Variants in RNF150 observed in about 807,000 individuals in gnomAD.
The protein encoded by RNF150 is ring finger protein 150.
RNF150 carries 24 observed loss-of-function variants against 39.3 expected under a neutral mutation model. That is an observed-to-expected ratio of 0.61 (90% confidence interval 0.44 to 0.86). The LOEUF is 0.86. Among genes scored for constraint, RNF150 ranks in the 40% least tolerant of loss-of-function variants. The pLI is 0.00. For missense variants in RNF150, 502 were observed against 587.8 expected (o/e 0.85, Z 1.51); for synonymous variants, 255 against 227.3 (o/e 1.12, Z -1.10).
At chr4:141,093,097 C>T (rs1578721058) in intron 1 of RNF150, among the ~76,000 whole-genome samples, 5 of 151,960 alleles carry the variant, frequency 3.3e-5, no homozygotes, top group South Asian at 4.2e-4. Flanking sequence ...CTGGGCGCGG[C>T]GGCTCATGCC....
chr4:141,158,986 G>A (rs558680654), intron 1 of RNF150, among the ~76,000 whole-genome samples: 1 of 152,254 alleles, frequency 6.6e-6, no homozygotes, highest in African/African-American at 2.4e-5. Context: ...AATATGTATG[G>A]TGTGAATCGT....
intron 1 of RNF150, among the ~76,000 whole-genome samples, chr4:141,090,932 G>A (rs1328222016): frequency 1.3e-5 from 2 of 152,182 alleles, no homozygotes; most frequent in Admixed American, 1.3e-4. Flanking sequence ...GAAGCCATAG[G>A]AGGTCTGTTG....
intron 1 of RNF150, among the ~76,000 whole-genome samples, chr4:141,040,497 A>G (rs1178279119): frequency 2.6e-5 from 4 of 152,272 alleles, no homozygotes; most frequent in African/African-American, 9.6e-5. Context: ...TCTCTTTTAT[A>G]TATTTTTTTG....
intron 5 of RNF150, among the ~76,000 whole-genome samples, chr4:140,913,373 C>T (rs1171681142): frequency 6.6e-6 from 1 of 152,202 alleles, no homozygotes; most frequent in Non-Finnish European, 1.5e-5. Context: ...AGCCTGGCCC[C>T]AGCCTACTTT....
intron 1 of RNF150, among the ~76,000 whole-genome samples, chr4:141,008,129 T>C (rs75261662): frequency 0.042 from 6,443 of 152,274 alleles, 363 homozygotes; most frequent in African/African-American, 0.12. Context: ...TCTGTAGCTA[T>C]CTGCTTTGGA....
upstream of RNF150, among the ~76,000 whole-genome samples, chr4:141,136,049 CTT>C (rs1727022116): frequency 6.6e-6 from 1 of 152,110 alleles, no homozygotes; most frequent in African/African-American, 2.4e-5. Context: ...CTTTAAAACT[CTT>C]AAACTTATGA....
chr4:140,972,041 T>A (rs1013216337), intron 1 of RNF150, among the ~76,000 whole-genome samples: 6 of 151,972 alleles, frequency 3.9e-5, no homozygotes, highest in East Asian at 1.9e-4. Flanking sequence ...AAAAAAAAAA[T>A]TTATATTGTC....
intron 1 of RNF150, among the ~76,000 whole-genome samples, chr4:141,196,849 A>G (rs1206993713): frequency 6.6e-6 from 1 of 152,054 alleles, no homozygotes; most frequent in Non-Finnish European, 1.5e-5. Flanking sequence ...TTAATTTCCC[A>G]TCTCCCAGAA....
At chr4:140,952,303 C>T (rs1056411211) in intron 2 of RNF150, among the ~76,000 whole-genome samples, 1 of 152,178 alleles carries the variant, frequency 6.6e-6, no homozygotes, top group African/African-American at 2.4e-5. Context: ...TGAGCCACAG[C>T]GCCCGACCAG....
At chr4:141,102,773 T>A (rs946795275) in intron 1 of RNF150, among the ~76,000 whole-genome samples, 7 of 152,176 alleles carry the variant, frequency 4.6e-5, no homozygotes, top group Non-Finnish European at 8.8e-5. Flanking sequence ...GAACTGTACA[T>A]GGTTTCCTAA....
chr4:140,947,579 G>T, intron 4 of RNF150, 75 bp downstream of exon 4: 1 of 1,009,564 alleles, frequency 9.9e-7, no homozygotes, highest in Non-Finnish European at 1.6e-6. Flanking sequence ...TGCCCAGCAG[G>T]TCGGGGCCAG....
intron 1 of RNF150, among the ~76,000 whole-genome samples, chr4:141,129,520 T>A (rs1726839268): frequency 6.6e-6 from 1 of 152,188 alleles, no homozygotes. Flanking sequence ...GAGTTTCTTA[T>A]TAGAACTAGA....
chr4:141,011,165 A>T (rs893757675), intron 1 of RNF150, among the ~76,000 whole-genome samples: 1 of 152,110 alleles, frequency 6.6e-6, no homozygotes, highest in Non-Finnish European at 1.5e-5. Flanking sequence ...TAGTTACCGG[A>T]AAGCAAGCAA....
At chr4:141,013,181 G>C (rs1275198161) in intron 1 of RNF150, among the ~76,000 whole-genome samples, 1 of 152,140 alleles carries the variant, frequency 6.6e-6, no homozygotes, top group African/African-American at 2.4e-5. Context: ...TTTCCAGCCA[G>C]AGATCCATAT....
chr4:141,008,500 A>T (rs1734951560), intron 1 of RNF150, among the ~76,000 whole-genome samples: 1 of 152,194 alleles, frequency 6.6e-6, no homozygotes, highest in African/African-American at 2.4e-5. Flanking sequence ...TCCTAAGGTT[A>T]CAAAATATAC....
intron 6 of RNF150, among the ~76,000 whole-genome samples, chr4:140,879,369 G>A (rs1729290621): frequency 6.6e-6 from 1 of 152,108 alleles, no homozygotes; most frequent in South Asian, 2.1e-4. Flanking sequence ...GTGAACATGT[G>A]ATATCTTTCC....
At chr4:141,062,009 GT>G (rs1001139029) in intron 1 of RNF150, among the ~76,000 whole-genome samples, 12 of 152,214 alleles carry the variant, frequency 7.9e-5, no homozygotes, top group African/African-American at 2.9e-4. Flanking sequence ...AAGTAGAAAT[GT>G]TTTAAGTACA....
chr4:141,132,026 C>T lies in RNF150; in HGVS notation c.484+299G>A, dbSNP rs1272787133. Reference sequence around the variant, plus strand: ...ACCAAGAACAGTATCTGAGCCCTACCCTCCAAACCCCACCTTCCAGGTCCC... The same window carrying T: ...ACCAAGAACAGTATCTGAGCCCTACTCTCCAAACCCCACCTTCCAGGTCCC... On this transcript the variant is annotated intron_variant, in intron 1 of 6. Transcript: ENST00000515673. This position sits in a 1 kb window ranked among gnomAD's most constrained non-coding sequence, Gnocchi z 4.9. Among the ~76,000 whole-genome samples the T allele has an allele frequency of 2.0e-5, 3 of 152,136 alleles. No individual in the cohort carries two copies. Among genetic ancestry groups the T allele is most frequent in the Admixed American group, 6.5e-5 (1 of 15,286 alleles).
chr4:140,923,020 G>C (rs1287655277), intron 5 of RNF150, among the ~76,000 whole-genome samples: 1 of 150,720 alleles, frequency 6.6e-6, no homozygotes, highest in Non-Finnish European at 1.5e-5. Flanking sequence ...AAAAACCCCA[G>C]AAGAAAACCT....
Sources: allele counts gnomAD v4.1 joint callset (sites outside exome capture counted in the v4.1 genomes callset), GRCh38; gene constraint gnomAD v4.1.1; non-coding constraint Gnocchi (gnomAD v3.1); transcripts MANE v1.5; gene names NCBI Gene and HGNC (gene_info 2026-07-23, HGNC 2026-07-21).